Variants in ARHGEF18 observed in about 807,000 individuals in gnomAD.
ARHGEF18 encodes the protein rho guanine nucleotide exchange factor 18.
In ARHGEF18, 93 loss-of-function variants were observed where a neutral mutation model predicts 155.7. The ratio of observed to expected loss-of-function variants is 0.60; its 90% CI spans 0.50 to 0.71. ARHGEF18 has a LOEUF of 0.71. Among genes scored for constraint, ARHGEF18 ranks in the 30% least tolerant of loss-of-function variants. The probability of loss-of-function intolerance (pLI) is 0.00; values close to 1 mark genes in which losing one functional copy is unlikely to be tolerated. For synonymous variants in ARHGEF18, 742 were observed against 753.1 expected, an observed-to-expected ratio of 0.99 and a Z score of 0.24; for missense variants, 1,593 against 1,816.1, an observed-to-expected ratio of 0.88 and a Z score of 2.23.
Position 7,376,698 on chromosome 19 carries a change from A to T in ARHGEF18, c.482A>T (p.Tyr161Phe). The T allele has an allele frequency of 8.1e-7, 1 of 1,234,400 alleles. No individual in the cohort carries two copies. Among genetic ancestry groups the T allele is most frequent in the Non-Finnish European group, 1.0e-6 (1 of 988,226 alleles). The allele number at this position is 1,234,400 out of a possible 1,614,324, so 76.5% of individuals were successfully genotyped here. The stretch of plus-strand genomic sequence containing the variant: ...TCAAGGTCCGTTCCTGTGTCCTTCT[A>T]TGAGATCCGCTCTCCGGAAATCTCT... ...GRSRSVPVSFYEIRSPEISPG... is the reference protein window; with the variant it reads ...GRSRSVPVSFFEIRSPEISPG... The change falls in exon 5 of 29, where the codon TAT becomes TTT. Residue 161 changes from tyrosine (Y) to phenylalanine (F), a missense_variant. By Grantham distance (22) the Tyr-to-Phe change is conservative. Coordinates refer to ENST00000668164, the MANE Select transcript of ARHGEF18 (RefSeq NM_001367823.1).
At chr19:7,362,029 G>A (rs4804539) in intron 1 of ARHGEF18, among the ~76,000 whole-genome samples, 11,858 of 55,612 alleles carry the variant, frequency 0.21, 1,797 homozygotes, top group East Asian at 0.31. Context: ...GAAGGAGAAG[G>A]AGAAGGAGAA....
chr19:7,439,585 T>A, intron 10 of ARHGEF18: 1 of 747,712 alleles, frequency 1.3e-6, no homozygotes, highest in Non-Finnish European at 1.7e-6. Flanking sequence ...GCAGCCCCTG[T>A]TGATGTTGGG....
At chr19:7,443,840 G>T (rs939000139) in intron 13 of ARHGEF18, among the ~76,000 whole-genome samples, 1 of 151,846 alleles carries the variant, frequency 6.6e-6, no homozygotes, top group Non-Finnish European at 1.5e-5. Flanking sequence ...GGAGGCGGAG[G>T]TTGCAGTGAG....
At chr19:7,380,302 C>T (rs578099467) in intron 7 of ARHGEF18, among the ~76,000 whole-genome samples, 2 of 151,588 alleles carry the variant, frequency 1.3e-5, no homozygotes, top group African/African-American at 4.9e-5. Flanking sequence ...CATGGTGAAA[C>T]CCCGTCTCTA....
chr19:7,478,635 C>T, the ARHGEF18 span, among the ~76,000 whole-genome samples: 1 of 152,346 alleles, frequency 6.6e-6, no homozygotes, highest in African/African-American at 2.4e-5. Context: ...CCAGCCTCTG[C>T]AAACCACTGG....
intron 10 of ARHGEF18, among the ~76,000 whole-genome samples, chr19:7,427,392 G>C (rs1973723384): frequency 6.6e-6 from 1 of 152,170 alleles, no homozygotes; most frequent in Non-Finnish European, 1.5e-5. Flanking sequence ...TGTAATCCCA[G>C]CACTTTGGGA....
At chr19:7,428,555 A>G (rs1973782374) in intron 10 of ARHGEF18, among the ~76,000 whole-genome samples, 1 of 151,568 alleles carries the variant, frequency 6.6e-6, no homozygotes, top group Non-Finnish European at 1.5e-5. Flanking sequence ...TTAAAATCCC[A>G]CCAAAGATAA....
At chr19:7,476,185 C>G (rs1320973967), downstream of ARHGEF18, among the ~76,000 whole-genome samples, 2 of 152,218 alleles carry the variant, frequency 1.3e-5, no homozygotes, top group Non-Finnish European at 2.9e-5. Flanking sequence ...GTGATAAACA[C>G]CTGTAGTTCC....
chr19:7,463,733 C>T lies in ARHGEF18; in HGVS notation c.2636-85C>T. ...CACCCCAGTGAGTCCCTCCGTCCAC[C>T]CGGGTCTCGCTGCCCCAGCGCTCCG... On this transcript the variant is annotated intron_variant, in intron 21 of 28. Coordinates refer to ENST00000668164, the MANE Select transcript of ARHGEF18 (RefSeq NM_001367823.1). This position sits in a 1 kb window ranked among gnomAD's most constrained non-coding sequence, Gnocchi z 5.2. The T allele has an allele frequency of 6.9e-7, 1 of 1,449,108 alleles. No individual in the cohort carries two copies. The highest frequency in any genetic ancestry group is 9.2e-7 in the Non-Finnish European group (1 of 1,087,788). 89.8% of individuals were successfully genotyped at this position (1,449,108 alleles called of 1,614,324 possible).
At position 7,382,801 on chromosome 19, in the gene ARHGEF18, C is replaced by T. The variant is rs564953089; in HGVS notation, c.732C>T (p.Asp244=). 78 of 1,232,452 alleles carry T rather than the reference C, an allele frequency of 6.3e-5. No individual in the cohort carries two copies. The highest frequency in any genetic ancestry group is 1.5e-4 in the African/African-American group (10 of 64,536). The allele number at this position is 1,232,452 out of a possible 1,614,324, so 76.3% of individuals were successfully genotyped here. Residue 244 remains aspartate (D), a synonymous_variant, in exon 9 of 29, where the codon GAC becomes GAT. Coordinates refer to ENST00000668164, the MANE Select transcript of ARHGEF18 (RefSeq NM_001367823.1). ...CCCTCTCGTCCCTCAGGAGCGAGGA[C>T]GGTGCTGGCAAGAACGAGAAGAGTG... ...TWFEFLSESE[D]GAGKNEKSDK...
chr19:7,420,945 T>A (rs540809343), intron 10 of ARHGEF18, among the ~76,000 whole-genome samples: 6 of 152,284 alleles, frequency 3.9e-5, no homozygotes, highest in Non-Finnish European at 8.8e-5. Flanking sequence ...TTTTTGTTTT[T>A]GTTTTGAAAC....
At chr19:7,375,284 AGAAAG>A (rs770907461) in intron 3 of ARHGEF18, among the ~76,000 whole-genome samples, 5 of 134,994 alleles carry the variant, frequency 3.7e-5, no homozygotes, top group South Asian at 2.3e-4. Context: ...AAAAAAAAAA[AGAAAG>A]AAAAGAAAGA....
chr19:7,388,220 C>T (rs376682044), intron 10 of ARHGEF18, among the ~76,000 whole-genome samples: 17 of 152,154 alleles, frequency 1.1e-4, no homozygotes, highest in African/African-American at 4.1e-4. Flanking sequence ...GGAGCACTTA[C>T]ACTATCCCAA....
chr19:7,423,528 C>G (rs1484923279), intron 10 of ARHGEF18, among the ~76,000 whole-genome samples: 2 of 151,894 alleles, frequency 1.3e-5, no homozygotes, highest in Non-Finnish European at 2.9e-5. Flanking sequence ...AGTGAAAATC[C>G]TTCTCTACTA....
chr19:7,441,248 C>T (rs542091347), intron 11 of ARHGEF18, among the ~76,000 whole-genome samples: 1 of 141,126 alleles, frequency 7.1e-6, no homozygotes, highest in South Asian at 2.2e-4. Context: ...GGCACAATCT[C>T]AGCTCACTGC....
intron 1 of ARHGEF18, among the ~76,000 whole-genome samples, chr19:7,360,792 C>T (rs1969514786): frequency 6.6e-6 from 1 of 152,178 alleles, no homozygotes; most frequent in African/African-American, 2.4e-5. Flanking sequence ...TCACAGCCTG[C>T]TTGTTTCGTT....
At chr19:7,443,434 C>A (rs1224055610) in intron 13 of ARHGEF18, among the ~76,000 whole-genome samples, 2 of 152,080 alleles carry the variant, frequency 1.3e-5, no homozygotes, top group African/African-American at 4.8e-5. Context: ...CTCCTGACCT[C>A]ATGTGATCTG....
intron 15 of ARHGEF18, among the ~76,000 whole-genome samples, chr19:7,448,742 AG>A (rs1975175037): frequency 6.6e-6 from 1 of 151,780 alleles, no homozygotes; most frequent in African/African-American, 2.4e-5. Context: ...CGGAGCGTGT[AG>A]AATGATCTTC....
chr19:7,412,743 A>G (rs1254259665), intron 10 of ARHGEF18, among the ~76,000 whole-genome samples: 1 of 143,954 alleles, frequency 6.9e-6, no homozygotes, highest in Admixed American at 6.9e-5. Context: ...CTCTGTCTCA[A>G]AAAAAAAAAA....
Sources: allele counts gnomAD v4.1 joint callset (sites outside exome capture counted in the v4.1 genomes callset), GRCh38; gene constraint gnomAD v4.1.1; non-coding constraint Gnocchi (gnomAD v3.1); transcripts MANE v1.5; gene names NCBI Gene and HGNC (gene_info 2026-07-23, HGNC 2026-07-21).